The following PODXL2 variants were observed in gnomAD, a reference collection of about 807,000 sequenced individuals.
PODXL2 encodes podocalyxin like 2.
In PODXL2, 17 loss-of-function variants were observed where a neutral mutation model predicts 53.4. The observed-to-expected ratio is 0.32, with a 90% confidence interval of 0.22 to 0.48. The LOEUF (loss-of-function observed/expected upper bound fraction) is 0.48, where lower values mean the gene tolerates loss of function less well. Ranked by LOEUF, PODXL2 falls within the 20% of genes least tolerant of loss-of-function variation. PODXL2 has a pLI of 0.99. For synonymous variants in PODXL2, 311 were observed against 306.7 expected, an observed-to-expected ratio of 1.01 and a Z score of -0.15; for missense variants, 673 against 760.0, an observed-to-expected ratio of 0.89 and a Z score of 1.35.
At position 127,663,035 on chromosome 3, in the gene PODXL2, A is replaced by G. The variant is rs903164571; in HGVS notation, c.1206+724A>G. ...TGCAGAGTGACCTTCTCCCTCCCCA[A>G]AACACACACTTGTGTCTGATGCTCT... is the stretch of plus-strand genomic sequence containing the variant. On this transcript the variant is annotated intron_variant, in intron 4 of 7. Coordinates refer to ENST00000342480, the MANE Select transcript of PODXL2 (RefSeq NM_015720.4). Among the ~76,000 whole-genome samples the G allele has an allele frequency of 4.6e-5, 7 of 152,306 alleles. No homozygotes were observed. The East Asian group carries it at 9.6e-4, about 21-fold the overall frequency.
intron 7 of PODXL2, 102 bp from the exon 8 acceptor site, chr3:127,672,166 T>G: frequency 1.2e-6 from 1 of 818,764 alleles, no homozygotes; most frequent in South Asian, 1.5e-5. Context: ...CTGTGGAGGG[T>G]GCCGCGGGAA....
At chr3:127,652,413 CTAAG>C (rs1443576347) in intron 2 of PODXL2, among the ~76,000 whole-genome samples, 1 of 152,122 alleles carries the variant, frequency 6.6e-6, no homozygotes, top group Admixed American at 6.5e-5. Context: ...GCCCAGGAGC[CTAAG>C]TGTTATCCTG....
intron 2 of PODXL2, among the ~76,000 whole-genome samples, chr3:127,659,645 G>T (rs2074750113): frequency 6.6e-6 from 1 of 152,126 alleles, no homozygotes; most frequent in Admixed American, 6.6e-5. Context: ...TCATTGAAAA[G>T]CCAGAAAACA....
At position 127,639,288 on chromosome 3, in the gene PODXL2, C is replaced by T. The variant is rs2074598774; in HGVS notation, c.114C>T (p.Gly38=). The part of the protein sequence containing the change: ...GACVAGSDEP[G]PEGLTSTSLL... ...GTGTGGCTGGGTCTGATGAGCCTGGCCCAGAGGGCCTCACCTCCACCTCCC... is the reference window on the plus strand; with the variant it reads ...GTGTGGCTGGGTCTGATGAGCCTGGTCCAGAGGGCCTCACCTCCACCTCCC... Residue 38 remains glycine (G), a synonymous_variant, in exon 2 of 8, where the codon GGC becomes GGT. Transcript: ENST00000342480. 4.3e-6 allele frequency: 7 copies of T among 1,612,646 alleles called. No homozygotes were observed. Among genetic ancestry groups the T allele is most frequent in the African/African-American group, 1.3e-5 (1 of 74,908 alleles).
At chr3:127,649,931 T>C (rs2074678352) in intron 2 of PODXL2, among the ~76,000 whole-genome samples, 1 of 152,218 alleles carries the variant, frequency 6.6e-6, no homozygotes, top group South Asian at 2.1e-4. Context: ...AACAAGACTT[T>C]GTCTTAAATA....
intron 2 of PODXL2, among the ~76,000 whole-genome samples, chr3:127,647,366 A>G (rs533067742): frequency 6.6e-6 from 1 of 152,274 alleles, no homozygotes; most frequent in South Asian, 2.1e-4. Flanking sequence ...CTCATTCGAG[A>G]CTGTCCCCAC....
At chr3:127,633,531 A>G (rs143917719) in intron 1 of PODXL2, among the ~76,000 whole-genome samples, 341 of 151,146 alleles carry the variant, frequency 2.3e-3, no homozygotes, top group Non-Finnish European at 4.0e-3. Flanking sequence ...CAGCTCCTCT[A>G]TTAACTAGCT....
At chr3:127,641,529 T>C (rs542369442) in intron 2 of PODXL2, among the ~76,000 whole-genome samples, 10 of 152,062 alleles carry the variant, frequency 6.6e-5, no homozygotes, top group Non-Finnish European at 1.3e-4. Flanking sequence ...TTTTTTTTTC[T>C]TGAGACGGAG....
intron 7 of PODXL2, 24 bp from the exon 8 acceptor site, chr3:127,672,244 T>A: frequency 6.5e-7 from 1 of 1,529,972 alleles, no homozygotes; most frequent in Non-Finnish European, 8.8e-7. Flanking sequence ...CGCTCGCCCA[T>A]GGCCTCTCCC....
At chr3:127,655,006 A>T (rs1413476296) in intron 2 of PODXL2, among the ~76,000 whole-genome samples, 1 of 152,038 alleles carries the variant, frequency 6.6e-6, no homozygotes, top group Non-Finnish European at 1.5e-5. Flanking sequence ...GCAGTGGTGC[A>T]ATCTCGGCTC....
chr3:127,668,101 CGTGT>C (rs55716588), intron 4 of PODXL2, among the ~76,000 whole-genome samples: 39,769 of 145,578 alleles, frequency 0.27, 5,368 homozygotes, highest in African/African-American at 0.34. Flanking sequence ...TACATGGCTG[CGTGT>C]GTGTGTGTGT....
At chr3:127,639,977 A>G (rs896996696) in intron 2 of PODXL2, among the ~76,000 whole-genome samples, 3 of 152,212 alleles carry the variant, frequency 2.0e-5, no homozygotes, top group Admixed American at 6.5e-5. Flanking sequence ...AGATTGCCAC[A>G]AGGTCAGCTG....
intron 2 of PODXL2, among the ~76,000 whole-genome samples, chr3:127,659,963 T>C (rs2074753257): frequency 6.6e-6 from 1 of 152,208 alleles, no homozygotes; most frequent in Admixed American, 6.5e-5. Context: ...AAGAAGACTC[T>C]TATAACGACT....
At chr3:127,632,238 G>A (rs1048736641) in intron 1 of PODXL2, among the ~76,000 whole-genome samples, 1 of 152,214 alleles carries the variant, frequency 6.6e-6, no homozygotes, top group Non-Finnish European at 1.5e-5. Flanking sequence ...CCATTCCGAG[G>A]AGCCAGAGTA....
At chr3:127,659,089 A>T (rs898377095) in intron 2 of PODXL2, among the ~76,000 whole-genome samples, 5 of 151,966 alleles carry the variant, frequency 3.3e-5, no homozygotes, top group Admixed American at 6.6e-5. Context: ...TTTTTTAAAG[A>T]TTACTTGATT....
rs1208460617 is a variant in PODXL2 at position 127,662,289 on chromosome 3, A to G, written c.1184A>G (p.Asn395Ser). Residue 395 changes from asparagine (N) to serine (S), a missense_variant, in exon 4 of 8, where the codon AAC (asparagine) becomes AGC (serine). Around this residue, in one of 3 missense-constraint regions of PODXL2, gnomAD observed 588 missense variants for 668.3 expected, o/e 0.88. Transcript: ENST00000342480. ...GCTGGGAAAAACTACATCATTCTGA[A>G]CATGACAGAGAACATAGACTGTGTG... ...NLAGKNYIIL[N>S]MTENIDCEVF... 1.2e-6 allele frequency: 2 copies of G among 1,614,008 alleles called. No individual in the cohort carries two copies.
Position 127,661,150 on chromosome 3 carries a change from T to C in PODXL2, c.1122T>C (p.Asp374=), listed in dbSNP as rs1482149568. ...AAEAQSRIPW[D]STQVICKDWS... is the part of the protein sequence containing the mutation. The stretch of plus-strand genomic sequence containing the variant: ...AAGCTCAATCCAGGATACCCTGGGA[T>C]TCTACGCAGGTAAAGTGAGGGGCAT... Residue 374 remains aspartate (D), a synonymous_variant, in exon 3 of 8, where the codon GAT becomes GAC. Transcript: ENST00000342480. 1 of 1,613,472 alleles carries C rather than the reference T, an allele frequency of 6.2e-7. No individual in the cohort carries two copies.
chr3:127,662,398 A>C (rs2074773639), intron 4 of PODXL2, 87 bp downstream of exon 4: 1 of 976,776 alleles, frequency 1.0e-6, no homozygotes, highest in Non-Finnish European at 1.6e-6. Context: ...GGGGACAAGC[A>C]GTGCGTGGGA....
intron 2 of PODXL2, among the ~76,000 whole-genome samples, chr3:127,643,308 TC>T (rs2107706030): frequency 6.6e-6 from 1 of 152,292 alleles, no homozygotes; most frequent in South Asian, 2.1e-4. Context: ...CCTCCCAAGT[TC>T]AAGCAATTCT....
Sources: gnomAD v4.1 joint callset for allele counts (sites outside exome capture counted in the v4.1 genomes callset) on GRCh38, gnomAD v4.1.1 for gene constraint, gnomAD v4.1.1 regional missense constraint, MANE v1.5 for transcripts, NCBI Gene and HGNC (gene_info 2026-07-23, HGNC 2026-07-21) for gene names.